The following CSMD1 variants were observed in gnomAD, a reference collection of about 807,000 sequenced individuals.
CSMD1 encodes the protein CUB and sushi domain-containing protein 1.
Under a neutral mutation model 417.5 loss-of-function variants are expected in CSMD1, and 213 were observed. The ratio of observed to expected loss-of-function variants is 0.51; its 90% CI spans 0.46 to 0.57. The LOEUF (loss-of-function observed/expected upper bound fraction) is 0.57, where lower values mean the gene tolerates loss of function less well. Ranked by LOEUF, CSMD1 falls within the 20% of genes least tolerant of loss-of-function variation. The pLI is 0.00. For missense variants in CSMD1, 6,923 were observed against 4,529.7 expected (o/e 1.53, Z -15.17); for synonymous variants, 2,862 against 1,736.8 (o/e 1.65, Z -16.11).
intron 12 of CSMD1, among the ~76,000 whole-genome samples, chr8:3,430,834 A>C (rs1046770246): frequency 6.6e-6 from 1 of 152,148 alleles, no homozygotes; most frequent in Non-Finnish European, 1.5e-5. Flanking sequence ...AATTCAAAGA[A>C]GCTCTTTGTA....
chr8:4,806,011 A>G (rs1798565083), intron 1 of CSMD1, among the ~76,000 whole-genome samples: 1 of 152,214 alleles, frequency 6.6e-6, no homozygotes. Context: ...TCAAAGAATT[A>G]TCTGAGTCCT....
At chr8:3,582,285 G>C (rs1800416031) in intron 9 of CSMD1, among the ~76,000 whole-genome samples, 1 of 152,068 alleles carries the variant, frequency 6.6e-6, no homozygotes, top group East Asian at 1.9e-4. Context: ...AGTTATAAAA[G>C]CTCCACTTTT....
intron 6 of CSMD1, among the ~76,000 whole-genome samples, chr8:3,751,299 A>AGTGTGTGTGTGTGTGTGTGTGTGT: frequency 1.4e-5 from 2 of 140,298 alleles, no homozygotes; most frequent in Non-Finnish European, 3.1e-5. Context: ...ATACAATTGA[A>AGTGTGTGTGTGTGTGTGTGTGTGT]GTGTGTGTGT....
chr8:3,290,727 T>C (rs543380484), intron 25 of CSMD1, among the ~76,000 whole-genome samples: 1 of 147,250 alleles, frequency 6.8e-6, no homozygotes, highest in African/African-American at 2.7e-5. Flanking sequence ...GATTTTGGGC[T>C]GAGACAATGG....
At chr8:3,900,738 C>A (rs139736031) in intron 5 of CSMD1, among the ~76,000 whole-genome samples, 4 of 149,522 alleles carry the variant, frequency 2.7e-5, no homozygotes, top group African/African-American at 9.9e-5. Flanking sequence ...CTATAGCTAG[C>A]TGCCACCGCA....
chr8:2,986,152 T>C (rs1346760214), intron 54 of CSMD1, among the ~76,000 whole-genome samples: 1 of 152,212 alleles, frequency 6.6e-6, no homozygotes, highest in Non-Finnish European at 1.5e-5. Context: ...TAATTTATTG[T>C]AATTGACAAT....
chr8:4,204,039 T>G (rs1365522004), intron 3 of CSMD1, among the ~76,000 whole-genome samples: 1 of 152,148 alleles, frequency 6.6e-6, no homozygotes, highest in Non-Finnish European at 1.5e-5. Flanking sequence ...GGGCAGAAGT[T>G]GCGGTGAGCT....
chr8:4,893,079 A>G (rs1804231591), intron 1 of CSMD1, among the ~76,000 whole-genome samples: 1 of 152,128 alleles, frequency 6.6e-6, no homozygotes, highest in African/African-American at 2.4e-5. Flanking sequence ...TATCCCCTCC[A>G]GGGCTCGTCA....
chr8:3,671,776 A>G (rs1799081515), intron 7 of CSMD1, among the ~76,000 whole-genome samples: 1 of 151,528 alleles, frequency 6.6e-6, no homozygotes, highest in South Asian at 2.1e-4. Flanking sequence ...AGGTGCTGTT[A>G]AATTGGAAAG....
intron 33 of CSMD1, among the ~76,000 whole-genome samples, chr8:3,191,773 ACT>A (rs1796440010): frequency 6.6e-6 from 1 of 152,104 alleles, no homozygotes; most frequent in Non-Finnish European, 1.5e-5. Flanking sequence ...CACTAGGCAA[ACT>A]CTGAAAATAG....
chr8:3,036,392 G>C (rs1477905804), intron 50 of CSMD1, among the ~76,000 whole-genome samples: 1 of 152,060 alleles, frequency 6.6e-6, no homozygotes, highest in African/African-American at 2.4e-5. Context: ...GCTTTGTTTT[G>C]TTTCTTAACA....
rs13277882 is a variant in CSMD1, at chr8:4,376,148, C to A, written c.415+43805G>T. Among the ~76,000 whole-genome samples, 797 of 152,340 alleles carry A rather than the reference C, an allele frequency of 5.2e-3. 2 individuals carry two copies. Among genetic ancestry groups the A allele is most frequent in the Non-Finnish European group, 8.5e-3 (575 of 68,040 alleles). ...ATGGAAATGCACTGCAAACTTTATG[C>A]TCTAACATCAAGTGTGCTTAACAAC... is the stretch of plus-strand genomic sequence containing the variant. On this transcript the variant is annotated intron_variant, in intron 3 of 69. Coordinates refer to ENST00000635120, the MANE Select transcript of CSMD1 (RefSeq NM_033225.6).
intron 2 of CSMD1, among the ~76,000 whole-genome samples, chr8:4,535,712 T>C (rs535007236): frequency 2.4e-4 from 36 of 152,290 alleles, no homozygotes; most frequent in African/African-American, 7.2e-4. Context: ...AATAAGGTAT[T>C]TGGAGACAAT....
intron 1 of CSMD1, among the ~76,000 whole-genome samples, chr8:4,919,948 C>G (rs1252800617): frequency 6.6e-6 from 1 of 152,092 alleles, no homozygotes; most frequent in Non-Finnish European, 1.5e-5. Flanking sequence ...CCAGACCTGC[C>G]AATGCCTTGA....
chr8:3,999,077 G>C lies in CSMD1; in HGVS notation c.611-967C>G, dbSNP rs146240788. Among the ~76,000 whole-genome samples, 65 of 150,530 alleles carry C rather than the reference G, an allele frequency of 4.3e-4. No individual in the cohort carries two copies. In the East Asian group the frequency reaches 0.012, roughly 28 times the overall value. On this transcript the variant is annotated intron_variant, in intron 4 of 69. Transcript: ENST00000635120. ...TTATATATATAAATTACATATATGAGAGAGAAGTATTTTAAAATAACATGT... is the reference window on the plus strand; with the variant it reads ...TTATATATATAAATTACATATATGACAGAGAAGTATTTTAAAATAACATGT...
chr8:4,669,364 C>G (rs1369470671), intron 1 of CSMD1, among the ~76,000 whole-genome samples: 1 of 152,184 alleles, frequency 6.6e-6, no homozygotes, highest in Admixed American at 6.5e-5. Context: ...ATCCGTATTT[C>G]TCGATGAGAT....
At chr8:3,235,909 G>C (rs1280827627) in intron 26 of CSMD1, among the ~76,000 whole-genome samples, 2 of 128,232 alleles carry the variant, frequency 1.6e-5, no homozygotes, top group Non-Finnish European at 3.3e-5. Flanking sequence ...GTTATATGAA[G>C]ATGTAAGTTT....
At chr8:4,254,792 A>G (rs1016745438) in intron 3 of CSMD1, among the ~76,000 whole-genome samples, 1 of 152,088 alleles carries the variant, frequency 6.6e-6, no homozygotes, top group African/African-American at 2.4e-5. Context: ...GGACCCTAAC[A>G]AGGTGACAGG....
At chr8:3,175,588 TC>T (rs1554451469) in intron 37 of CSMD1, among the ~76,000 whole-genome samples, 1 of 143,762 alleles carries the variant, frequency 7.0e-6, no homozygotes, top group Non-Finnish European at 1.5e-5. Context: ...TTCCTTTTTG[TC>T]CTCCCTCCCT....
Sources: gnomAD v4.1 joint callset for allele counts (sites outside exome capture counted in the v4.1 genomes callset) on GRCh38, gnomAD v4.1.1 for gene constraint, MANE v1.5 for transcripts, NCBI Gene and HGNC (gene_info 2026-07-23, HGNC 2026-07-21) for gene names.